GSE1: variants seen among roughly 807,000 people sequenced by gnomAD.
GSE1 encodes the protein Gse1 coiled-coil protein, also known as genetic suppressor element 1.
In GSE1, 32 loss-of-function variants were observed where a neutral mutation model predicts 112.6. That is an observed-to-expected ratio of 0.28 (90% CI 0.21 to 0.38). GSE1 has a LOEUF of 0.38. Ranked by LOEUF, GSE1 falls within the 10% of genes least tolerant of loss-of-function variation. GSE1 has a pLI of 1.00. For missense variants in GSE1, 2,348 were observed against 1,699.2 expected (o/e 1.38, Z -6.71); for synonymous variants, 1,115 against 735.6 (o/e 1.52, Z -8.35).
intron 1 of GSE1, among the ~76,000 whole-genome samples, chr16:85,227,112 T>TCCATCCATCCATCCATCCGC (rs1325877241): frequency 2.0e-5 from 3 of 151,606 alleles, no homozygotes; most frequent in Non-Finnish European, 3.0e-5. Flanking sequence ...CATCCATCCA[T>TCCATCCATCCATCCATCCGC]CCATCCATCC....
chr16:85,237,057 G>C (rs930671662), intron 1 of GSE1, among the ~76,000 whole-genome samples: 1 of 152,220 alleles, frequency 6.6e-6, no homozygotes, highest in African/African-American at 2.4e-5. Flanking sequence ...TGGGCGCCGT[G>C]GCTCATGCCT....
chr16:85,566,284 G>C (rs1329032643), intron 1 of GSE1, among the ~76,000 whole-genome samples: 1 of 152,232 alleles, frequency 6.6e-6, no homozygotes, highest in Non-Finnish European at 1.5e-5. Context: ...CAGTGGGCTG[G>C]GCAGGGAGGG....
intron 1 of GSE1, among the ~76,000 whole-genome samples, chr16:85,220,635 TGCTGC>T (rs2075374598): frequency 6.6e-6 from 1 of 151,698 alleles, no homozygotes; most frequent in Non-Finnish European, 1.5e-5. Flanking sequence ...TGCTGCCCGC[TGCTGC>T]CCGCTTGCCC....
At chr16:85,516,902 A>G (rs1383196100) in intron 2 of GSE1, among the ~76,000 whole-genome samples, 1 of 148,516 alleles carries the variant, frequency 6.7e-6, no homozygotes, top group Non-Finnish European at 1.5e-5. Context: ...GGTTCACGCC[A>G]TTCTCCTGCC....
intron 1 of GSE1, among the ~76,000 whole-genome samples, chr16:85,200,836 C>T (rs1407279517): frequency 6.6e-6 from 1 of 152,206 alleles, no homozygotes; most frequent in African/African-American, 2.4e-5. Context: ...CACCGTCCGT[C>T]ACCAGAACTT....
intron 2 of GSE1, among the ~76,000 whole-genome samples, chr16:85,371,664 C>T (rs896817089): frequency 2.6e-5 from 4 of 152,194 alleles, no homozygotes; most frequent in East Asian, 3.9e-4. Flanking sequence ...TGGACCCTTA[C>T]GGGACACAGG....
intron 2 of GSE1, among the ~76,000 whole-genome samples, chr16:85,446,865 C>T (rs920265547): frequency 1.6e-4 from 25 of 152,116 alleles, no homozygotes; most frequent in African/African-American, 6.0e-4. Flanking sequence ...CCCGCAACCC[C>T]GCTCCCGCTG....
At chr16:85,469,397 C>T (rs1414921169) in intron 2 of GSE1, among the ~76,000 whole-genome samples, 3 of 152,106 alleles carry the variant, frequency 2.0e-5, no homozygotes, top group East Asian at 1.9e-4. Context: ...GATGCGCTGG[C>T]GCCCACCAGA....
intron 1 of GSE1, among the ~76,000 whole-genome samples, chr16:85,331,497 A>G (rs1453317579): frequency 9.0e-5 from 11 of 122,248 alleles, no homozygotes. Context: ...ATATGTGTAT[A>G]TGTGTATATA....
In GSE1 at chr16:85,261,462, G is replaced by A. The variant is rs183149875; in HGVS notation, c.2283+89655G>A. Among the ~76,000 whole-genome samples, 154 of 152,300 alleles carry A rather than the reference G, an allele frequency of 1.0e-3. 1 individual carries two copies. Among genetic ancestry groups the A allele is most frequent in the Admixed American group, 3.2e-3 (49 of 15,290 alleles). The stretch of plus-strand genomic sequence containing the variant: ...CACTTGGCATGTTTCCCCTTATCCC[G>A]CAGAGGAGGAGGGCGCAGAGTGGGT... On this transcript the variant is annotated intron_variant, in intron 1 of 2. Transcript: ENST00000637419.
intron 2 of GSE1, among the ~76,000 whole-genome samples, chr16:85,498,185 T>C (rs541998527): frequency 1.3e-5 from 2 of 152,172 alleles, no homozygotes; most frequent in South Asian, 4.2e-4. Context: ...CAGGCTGCGA[T>C]TCCTCTCCTG....
At chr16:85,510,436 CAGTG>C (rs976508869) in intron 2 of GSE1, among the ~76,000 whole-genome samples, 10 of 151,728 alleles carry the variant, frequency 6.6e-5, no homozygotes, top group South Asian at 2.1e-4. Context: ...GTGTGTGTGT[CAGTG>C]TGTGTGTGTC....
At chr16:85,420,771 G>T (rs1203692611) in intron 2 of GSE1, among the ~76,000 whole-genome samples, 1 of 152,158 alleles carries the variant, frequency 6.6e-6, no homozygotes, top group East Asian at 1.9e-4. Context: ...GCTTCCTCTC[G>T]CCCTGGGTGG....
chr16:85,383,768 G>T (rs1223489348), intron 2 of GSE1, among the ~76,000 whole-genome samples: 1 of 152,120 alleles, frequency 6.6e-6, no homozygotes, highest in African/African-American at 2.4e-5. Flanking sequence ...GGTTAAGAGG[G>T]GTCTACCGTT....
intron 1 of GSE1, among the ~76,000 whole-genome samples, chr16:85,259,915 G>A (rs1907494094): frequency 6.6e-6 from 1 of 152,230 alleles, no homozygotes; most frequent in Admixed American, 6.5e-5. Context: ...CAGCTGCAGG[G>A]AGAAAGGGCT....
At chr16:85,438,024 CG>C (rs113357514) in intron 2 of GSE1, among the ~76,000 whole-genome samples, 254 of 152,220 alleles carry the variant, frequency 1.7e-3, no homozygotes, top group African/African-American at 5.9e-3. Context: ...GAGCTAGTTC[CG>C]TGTCCGAAGC....
chr16:85,309,192 G>A (rs1350796975), intron 1 of GSE1, among the ~76,000 whole-genome samples: 1 of 152,004 alleles, frequency 6.6e-6, no homozygotes, highest in Non-Finnish European at 1.5e-5. Context: ...AAATGGTCCA[G>A]TAGCCTCATT....
chr16:85,194,459 A>T (rs1277947047), intron 1 of GSE1, among the ~76,000 whole-genome samples: 1 of 152,146 alleles, frequency 6.6e-6, no homozygotes, highest in Non-Finnish European at 1.5e-5. Flanking sequence ...GGTTGATTGC[A>T]AACAATCAGG....
intron 2 of GSE1, among the ~76,000 whole-genome samples, chr16:85,364,371 G>C (rs10438603): frequency 0.1 from 15,683 of 152,242 alleles, 983 homozygotes; most frequent in East Asian, 0.29. Context: ...CTCAAGGTCA[G>C]CTGGTTAGCA....
Sources: gnomAD v4.1 joint callset for allele counts (sites outside exome capture counted in the v4.1 genomes callset) on GRCh38, gnomAD v4.1.1 for gene constraint, MANE v1.5 for transcripts, NCBI Gene and HGNC (gene_info 2026-07-23, HGNC 2026-07-21) for gene names.